The following SLFN12 variants were observed in gnomAD, a reference collection of about 807,000 sequenced individuals.
SLFN12 encodes schlafen family member 12.
In SLFN12, 25 loss-of-function variants were observed where a neutral mutation model predicts 29.1. The observed-to-expected ratio is 0.86, with a 90% CI of 0.63 to 1.20. The LOEUF (loss-of-function observed/expected upper bound fraction) is 1.20, where lower values mean the gene tolerates loss of function less well. Among genes scored for constraint, SLFN12 ranks in the 50% most tolerant of loss-of-function variants. The probability of loss-of-function intolerance (pLI) is 0.00; values close to 1 mark genes in which losing one functional copy is unlikely to be tolerated. For missense variants in SLFN12, 660 were observed against 666.2 expected, an observed-to-expected ratio of 0.99 and a Z score of 0.10; for synonymous variants, 257 against 238.7, an observed-to-expected ratio of 1.08 and a Z score of -0.71.
At chr17:35,412,123 G>C (rs1911065946) in intron 3 of SLFN12, among the ~76,000 whole-genome samples, 196 bp from the exon 4 acceptor site, 1 of 152,096 alleles carries the variant, frequency 6.6e-6, no homozygotes, top group Non-Finnish European at 1.5e-5. Context: ...GTCTTTGATA[G>C]AGGTGAAACA....
At chr17:35,430,060 T>A (rs1912224944) in intron 1 of SLFN12, among the ~76,000 whole-genome samples, 2 of 151,940 alleles carry the variant, frequency 1.3e-5, no homozygotes, top group South Asian at 4.2e-4. Flanking sequence ...TTAAATTTTC[T>A]GGTAATGCTT....
At chr17:35,417,653 A>G (rs1388701116) in intron 3 of SLFN12, among the ~76,000 whole-genome samples, 1 of 152,114 alleles carries the variant, frequency 6.6e-6, no homozygotes, top group Non-Finnish European at 1.5e-5. Flanking sequence ...AGAAAAAAAG[A>G]CATTAAAGGC....
At chr17:35,417,135 G>C (rs1911362506) in intron 3 of SLFN12, among the ~76,000 whole-genome samples, 1 of 151,988 alleles carries the variant, frequency 6.6e-6, no homozygotes, top group African/African-American at 2.4e-5. Context: ...TGTCACTCAT[G>C]GATTTAGATA....
In SLFN12 at chr17:35,422,567, C is replaced by T. The variant is rs755270618; in HGVS notation, c.462G>A (p.Gly154=). Residue 154 remains glycine (G), a synonymous_variant, in exon 2 of 4, where the codon GGG becomes GGA. Transcript: ENST00000304905. ...EFLKDMKKTR[G]RLYLRPELLA... ...GCAATTCTGGTCTTAAATACAATCT[C>T]CCTCTAGTCTTTTTCATGTCTTTGA... is the stretch of plus-strand genomic sequence containing the variant. 20 of 1,614,090 alleles carry T rather than the reference C, an allele frequency of 1.2e-5. No individual in the cohort carries two copies. Among genetic ancestry groups the T allele is most frequent in the Non-Finnish European group, 1.4e-5 (17 of 1,180,018 alleles).
intron 1 of SLFN12, among the ~76,000 whole-genome samples, chr17:35,428,311 C>T (rs973857984): frequency 1.3e-5 from 2 of 152,042 alleles, no homozygotes; most frequent in Non-Finnish European, 2.9e-5. Flanking sequence ...TGCCTTGAAC[C>T]TTTTGGGGGG....
chr17:35,421,818 A>G (rs1060885), intron 2 of SLFN12, among the ~76,000 whole-genome samples, 172 bp downstream of exon 2: 87,212 of 151,578 alleles, frequency 0.58, 25,308 homozygotes, highest in South Asian at 0.68. Context: ...GGGAATACAG[A>G]CGTGAGCCAC....
At chr17:35,428,680 G>A (rs536958387) in intron 1 of SLFN12, among the ~76,000 whole-genome samples, 157 of 152,204 alleles carry the variant, frequency 1.0e-3, no homozygotes, top group African/African-American at 3.7e-3. Context: ...CCTAAGTGGG[G>A]AGGACCTGAC....
At chr17:35,423,201 G>A (rs1162158618) in intron 1 of SLFN12, 133 bp from the exon 2 acceptor site, 2 of 990,354 alleles carry the variant, frequency 2.0e-6, no homozygotes, top group East Asian at 5.7e-5. Context: ...GATATGAAGA[G>A]ACTGGCAAAT....
At chr17:35,420,190 A>G (rs1911539676) in intron 3 of SLFN12, 84 bp downstream of exon 3, 3 of 961,560 alleles carry the variant, frequency 3.1e-6, no homozygotes, top group Non-Finnish European at 4.8e-6. Context: ...TTTCAGAGCA[A>G]ATTTCAAGAC....
intron 3 of SLFN12, 134 bp downstream of exon 3, chr17:35,420,140 C>A: frequency 1.6e-6 from 1 of 633,578 alleles, no homozygotes; most frequent in Non-Finnish European, 2.7e-6. Context: ...GATTCAATGA[C>A]TTAAAACACC....
In SLFN12 at chr17:35,411,333, T is replaced by G; in HGVS notation, c.*5A>C. ...AAATATCTCAGTAGCCCAGTCCATT[T>G]TCCATCAGGTGAGCCTTCGACAAGA... On this transcript the variant is annotated 3_prime_UTR_variant, in exon 4 of 4. Coordinates refer to ENST00000304905, the MANE Select transcript of SLFN12 (RefSeq NM_018042.5). 1 of 1,508,356 alleles carries G rather than the reference T, an allele frequency of 6.6e-7. No homozygotes were observed. Among genetic ancestry groups the G allele is most frequent in the Non-Finnish European group, 8.9e-7 (1 of 1,125,638 alleles). 93.4% of individuals were successfully genotyped at this position (1,508,356 alleles called of 1,614,324 possible).
chr17:35,431,010 C>T (rs1912287119), intron 1 of SLFN12, among the ~76,000 whole-genome samples: 2 of 152,086 alleles, frequency 1.3e-5, no homozygotes, highest in South Asian at 4.1e-4. Context: ...TGATTGTTCT[C>T]AGTGAACCAT....
chr17:35,422,871 T>C lies in SLFN12; in HGVS notation c.158A>G (p.Asn53Ser). 4.3e-6 allele frequency: 7 copies of C among 1,614,060 alleles called. No individual in the cohort carries two copies. In the South Asian group the frequency reaches 4.4e-5, roughly 10 times the overall value. Residue 53 changes from asparagine (N) to serine (S), a missense_variant, in exon 2 of 4, where the codon AAT (asparagine) becomes AGT (serine). Asn to Ser is a conservative substitution (Grantham distance 46). Transcript: ENST00000304905. ...SVSRAMCALL[N>S]SGGGVIKAEI... ...AGCCTTGATCACTCCCCCTCCAGAATTGAGCAGAGCACACATAGCTCGTGA... is the reference window on the plus strand; with the variant it reads ...AGCCTTGATCACTCCCCCTCCAGAACTGAGCAGAGCACACATAGCTCGTGA...
chr17:35,416,923 A>G (rs1187702312), intron 3 of SLFN12, among the ~76,000 whole-genome samples: 1 of 152,102 alleles, frequency 6.6e-6, no homozygotes, highest in Non-Finnish European at 1.5e-5. Flanking sequence ...TGATTGAAAA[A>G]AGAACTAACA....
chr17:35,428,794 G>A (rs1912149633), intron 1 of SLFN12, among the ~76,000 whole-genome samples: 1 of 152,146 alleles, frequency 6.6e-6, no homozygotes, highest in South Asian at 2.1e-4. Context: ...CTAGAAAGCA[G>A]AGGAAGATGT....
At position 35,422,819 on chromosome 17, in the gene SLFN12, A is replaced by G. The variant is rs952015299; in HGVS notation, c.210T>C (p.Tyr70=). ...AATCTAGTCCTATTCCATCTTTTGT[A>G]TAACTATAGTCTTCATTCTCAATTT... ...KAEIENEDYS[Y]TKDGIGLDLE... The change falls in exon 2 of 4, where the codon TAT becomes TAC. Residue 70 remains tyrosine (Y), a synonymous_variant. Transcript: ENST00000304905. The G allele has an allele frequency of 4.3e-6, 7 of 1,613,648 alleles. No homozygotes were observed. The East Asian group carries it at 6.7e-5, about 15-fold the overall frequency.
rs1911767246 is a variant in SLFN12 at position 35,422,736 on chromosome 17, T to C, written c.293A>G (p.Gln98Arg). 1 of 1,614,082 alleles carries C rather than the reference T, an allele frequency of 6.2e-7. No individual in the cohort carries two copies. The change falls in exon 2 of 4, where the codon CAG (glutamine) becomes CGG (arginine). Residue 98 changes from glutamine to arginine, a missense_variant. Gln to Arg is a conservative substitution (Grantham distance 43). Transcript: ENST00000304905. ...AAAAATCAGAAAGTAGTTACCATTC[T>C]GCATGAAGTCTAAGTACTCAGGAAC... is the stretch of plus-strand genomic sequence containing the variant. Reference protein sequence around the residue: ...LFVPEYLDFMQNGNYFLIFVK... With the variant: ...LFVPEYLDFMRNGNYFLIFVK...
At position 35,422,132 on chromosome 17, in the gene SLFN12, A is replaced by G. The variant is rs1911696188; in HGVS notation, c.897T>C (p.Cys299=). Residue 299 remains cysteine (C), a synonymous_variant, in exon 2 of 4, where the codon TGT becomes TGC. Transcript: ENST00000304905. ...FLGVYDKGSL[C]GYVCALRVER... is the part of the protein sequence containing the mutation. ...CCACTCTGAGTGCACAGACATATCC[A>G]CAAAGACTTCCTTTATCATATACTC... The G allele has an allele frequency of 2.5e-6, 4 of 1,614,114 alleles. No homozygotes were observed. The highest frequency in any genetic ancestry group is 3.4e-6 in the Non-Finnish European group (4 of 1,180,008).
chr17:35,413,562 A>T (rs1448023203), intron 3 of SLFN12, among the ~76,000 whole-genome samples: 2 of 152,020 alleles, frequency 1.3e-5, no homozygotes, highest in African/African-American at 2.4e-5. Context: ...AACCTGGCCA[A>T]CATGGTGACA....
Sources: gnomAD v4.1 joint callset for allele counts (sites outside exome capture counted in the v4.1 genomes callset) on GRCh38, gnomAD v4.1.1 for gene constraint, MANE v1.5 for transcripts, NCBI Gene and HGNC (gene_info 2026-07-23, HGNC 2026-07-21) for gene names.